GKAP1: variants seen among roughly 807,000 people sequenced by gnomAD.
GKAP1 encodes the protein G kinase-anchoring protein 1.
In GKAP1, 31 loss-of-function variants were observed where a neutral mutation model predicts 56.7. That is an observed-to-expected ratio of 0.55 (90% CI 0.41 to 0.74). The LOEUF (loss-of-function observed/expected upper bound fraction) is 0.74, where lower values mean the gene tolerates loss of function less well. GKAP1 is among the 30% of genes least tolerant of loss of function. GKAP1 has a pLI of 0.00. For synonymous variants in GKAP1, 151 were observed against 138.6 expected (o/e 1.09, Z -0.63); for missense variants, 364 against 402.3 (o/e 0.90, Z 0.82).
chr9:83,792,989 T>A, intron 4 of GKAP1: 1 of 1,280,024 alleles, frequency 7.8e-7, no homozygotes, highest in South Asian at 1.3e-5. Context: ...CCCTTCCTCT[T>A]GACTTCCTCA....
chr9:83,806,102 G>A (rs530947687), intron 3 of GKAP1, among the ~76,000 whole-genome samples, 200 bp downstream of exon 3: 6 of 151,262 alleles, frequency 4.0e-5, no homozygotes, highest in Middle Eastern at 3.4e-3. Context: ...AGGTGACAGA[G>A]TGAGACCCTG....
chr9:83,768,818 C>T lies in GKAP1; in HGVS notation c.738G>A (p.Gln246=). Residue 246 remains glutamine, a splice_region_variant and synonymous_variant, in exon 8 of 13, where the codon CAG becomes CAA. Coordinates refer to ENST00000376371, the MANE Select transcript of GKAP1 (RefSeq NM_025211.4). The stretch of plus-strand genomic sequence containing the variant: ...TAAGAGAATTTTCTACTTTACATGC[C>T]TGGTTGTGTTCATGAGCTGTACAAT... ...TDNCTAHEHN[Q]EVVLKDGRIE... 6.2e-7 allele frequency: 1 copy of T among 1,608,542 alleles called. No homozygotes were observed. Among genetic ancestry groups the T allele is most frequent in the South Asian group, 1.1e-5 (1 of 89,828 alleles).
chr9:83,798,375 A>C (rs1009734892), intron 4 of GKAP1, among the ~76,000 whole-genome samples: 5 of 152,246 alleles, frequency 3.3e-5, no homozygotes, highest in African/African-American at 1.2e-4. Context: ...ATTCGTCTTA[A>C]TGAGTTATCT....
Position 83,750,378 on chromosome 9 carries a change from T to C in GKAP1, c.841-2006A>G, listed in dbSNP as rs539987821. On this transcript the variant is annotated intron_variant, in intron 9 of 12. Coordinates refer to ENST00000376371, the MANE Select transcript of GKAP1 (RefSeq NM_025211.4). ...CTGCACTGTCTAAAAAAGTAGCCAT[T>C]TAAAACGCAACATATCCAAAATGAA... Among the ~76,000 whole-genome samples, 4 of 152,334 alleles carry C rather than the reference T, an allele frequency of 2.6e-5. No homozygotes were observed. The East Asian group carries it at 7.7e-4, about 29-fold the overall frequency.
At chr9:83,804,300 G>C (rs1944390462) in intron 3 of GKAP1, among the ~76,000 whole-genome samples, 1 of 147,618 alleles carries the variant, frequency 6.8e-6, no homozygotes, top group Non-Finnish European at 1.5e-5. Flanking sequence ...AGGGAGGTGG[G>C]GGGGTCAGCA....
At chr9:83,795,218 T>G (rs889819315) in intron 4 of GKAP1, among the ~76,000 whole-genome samples, 4 of 147,804 alleles carry the variant, frequency 2.7e-5, no homozygotes, top group Non-Finnish European at 4.5e-5. Flanking sequence ...AGCCATGCCC[T>G]ACGTATTTTT....
At chr9:83,789,450 C>G (rs1944118491) in intron 4 of GKAP1, among the ~76,000 whole-genome samples, 1 of 152,162 alleles carries the variant, frequency 6.6e-6, no homozygotes, top group Admixed American at 6.5e-5. Context: ...TATAAGATAG[C>G]TGCAACATGA....
At chr9:83,812,972 TG>T (rs1944533183) in intron 2 of GKAP1, among the ~76,000 whole-genome samples, 1 of 152,208 alleles carries the variant, frequency 6.6e-6, no homozygotes, top group Non-Finnish European at 1.5e-5. Context: ...GGAATTCCTC[TG>T]TAACTTTTTT....
intron 3 of GKAP1, among the ~76,000 whole-genome samples, chr9:83,805,463 T>TA (rs999692280): frequency 9.4e-6 from 1 of 106,350 alleles, no homozygotes; most frequent in African/African-American, 4.2e-5. Context: ...GAATGATCAA[T>TA]AAAAAAAATA....
chr9:83,807,408 A>T (rs1587742771), intron 2 of GKAP1, among the ~76,000 whole-genome samples: 2 of 152,336 alleles, frequency 1.3e-5, no homozygotes, highest in Non-Finnish European at 2.9e-5. Flanking sequence ...TAACAACCAG[A>T]AGACTAAGTG....
rs187737888 is a variant in GKAP1, at chr9:83,772,114, T to C, written c.586-3144A>G. Among the ~76,000 whole-genome samples, 339 of 152,180 alleles carry C rather than the reference T, an allele frequency of 2.2e-3. 1 individual carries two copies. Among genetic ancestry groups the C allele is most frequent in the African/African-American group, 4.9e-3 (204 of 41,528 alleles). On this transcript the variant is annotated intron_variant, in intron 7 of 12. Coordinates refer to ENST00000376371, the MANE Select transcript of GKAP1 (RefSeq NM_025211.4). ...CACACCAGAAAAAAAGATTAAAATA[T>C]GGCAAATGTAAGAACATAAAATATT...
intron 5 of GKAP1, among the ~76,000 whole-genome samples, chr9:83,788,399 A>C (rs1380459976): frequency 6.6e-6 from 1 of 152,330 alleles, no homozygotes; most frequent in East Asian, 1.9e-4. Flanking sequence ...CACCGGACAA[A>C]GCTTAATTCC....
intron 4 of GKAP1, among the ~76,000 whole-genome samples, chr9:83,795,468 TTTA>T (rs1214988283): frequency 2.6e-5 from 4 of 152,194 alleles, no homozygotes; most frequent in African/African-American, 9.6e-5. Flanking sequence ...TAGTGTTTTT[TTTA>T]TTGTTTGTGC....
intron 6 of GKAP1, among the ~76,000 whole-genome samples, chr9:83,784,269 A>G (rs115591637): frequency 6.7e-6 from 1 of 150,210 alleles, no homozygotes; most frequent in Non-Finnish European, 1.5e-5. Context: ...TCCATCTAAA[A>G]AAAGAAAAAA....
intron 3 of GKAP1, among the ~76,000 whole-genome samples, chr9:83,806,015 G>C (rs1227403064): frequency 6.6e-6 from 1 of 152,078 alleles, no homozygotes; most frequent in Non-Finnish European, 1.5e-5. Flanking sequence ...TACTTGGGAG[G>C]CTAAGGTGTG....
intron 2 of GKAP1, among the ~76,000 whole-genome samples, chr9:83,810,868 T>C (rs1376816961): frequency 6.6e-6 from 1 of 152,224 alleles, no homozygotes; most frequent in African/African-American, 2.4e-5. Context: ...TATCACACAG[T>C]TTACTTACAC....
At chr9:83,789,694 T>C (rs1944122678) in intron 4 of GKAP1, among the ~76,000 whole-genome samples, 1 of 152,064 alleles carries the variant, frequency 6.6e-6, no homozygotes. Context: ...TCATCACCAA[T>C]GACAAAAGGT....
At chr9:83,765,417 G>T (rs997458622) in intron 8 of GKAP1, among the ~76,000 whole-genome samples, 1 of 152,198 alleles carries the variant, frequency 6.6e-6, no homozygotes, top group Non-Finnish European at 1.5e-5. Flanking sequence ...GGGGTCAAGA[G>T]CCCCCACACA....
At chr9:83,743,530 G>GGCTGC (rs1195373268) in intron 10 of GKAP1, among the ~76,000 whole-genome samples, 2 of 152,154 alleles carry the variant, frequency 1.3e-5, no homozygotes, top group Admixed American at 1.3e-4. Context: ...ATGAGGCGGA[G>GGCTGC]GCTGCAGTAA....
Sources: allele counts gnomAD v4.1 joint callset (sites outside exome capture counted in the v4.1 genomes callset), GRCh38; gene constraint gnomAD v4.1.1; transcripts MANE v1.5; gene names NCBI Gene and HGNC (gene_info 2026-07-23, HGNC 2026-07-21).